CACHD1: variants seen among roughly 807,000 people sequenced by gnomAD.
The protein encoded by CACHD1 is VWFA and cache domain-containing protein 1.
A neutral mutation model predicts 138.7 loss-of-function variants in CACHD1; 71 were observed. The ratio of observed to expected loss-of-function variants is 0.51; its 90% CI spans 0.42 to 0.62. CACHD1 has a LOEUF of 0.62. Ranked by LOEUF, CACHD1 falls within the 20% of genes least tolerant of loss-of-function variation. The pLI is 0.00. For missense variants in CACHD1, 1,389 were observed against 1,625.3 expected (o/e 0.85, Z 2.50); for synonymous variants, 578 against 591.5 (o/e 0.98, Z 0.33).
At chr1:64,680,400 A>C (rs1015914714) in intron 24 of CACHD1, among the ~76,000 whole-genome samples, 5 of 152,074 alleles carry the variant, frequency 3.3e-5, no homozygotes, top group South Asian at 2.1e-4. Flanking sequence ...AGGCAGGAGA[A>C]TCGCTTGAAC....
intron 3 of CACHD1, among the ~76,000 whole-genome samples, chr1:64,599,842 T>C (rs1476180753): frequency 6.6e-6 from 1 of 152,134 alleles, no homozygotes; most frequent in Non-Finnish European, 1.5e-5. Flanking sequence ...TTCAGCTCTC[T>C]CAAGGGGTGA....
chr1:64,567,263 C>T (rs1038282415), intron 2 of CACHD1, among the ~76,000 whole-genome samples: 1 of 151,780 alleles, frequency 6.6e-6, no homozygotes, highest in Non-Finnish European at 1.5e-5. Context: ...TTTGTTCATG[C>T]ATTTGATATT....
intron 13 of CACHD1, among the ~76,000 whole-genome samples, chr1:64,661,124 A>AATAAAAAGG (rs1396716834): frequency 6.6e-6 from 1 of 152,152 alleles, no homozygotes; most frequent in East Asian, 1.9e-4. Context: ...ATTAAAATAC[A>AATAAAAAGG]ATAAAAAGGG....
At chr1:64,561,781 C>T (rs1388308089) in intron 2 of CACHD1, among the ~76,000 whole-genome samples, 8 of 143,420 alleles carry the variant, frequency 5.6e-5, no homozygotes, top group Non-Finnish European at 1.2e-4. Context: ...TTGGTTGAGC[C>T]AAGGAGGTTG....
rs375655464 is a variant in CACHD1 at position 64,599,670 on chromosome 1, T to C, written c.411-3136T>C. 1.2e-4 allele frequency among the ~76,000 whole-genome samples: 18 copies of C among 152,348 alleles called. 3 individuals carry two copies. The highest frequency in any genetic ancestry group is 4.6e-4 in the Admixed American group (7 of 15,306). ...TTTTGTTAATGAGTCACTGTCATTT[T>C]TATTGTTATAAAAATGTTTTTCTTT... is the stretch of plus-strand genomic sequence containing the variant. On this transcript the variant is annotated intron_variant, in intron 3 of 26. Coordinates refer to ENST00000651257, the MANE Select transcript of CACHD1 (RefSeq NM_020925.4).
At chr1:64,634,946 A>G (rs1293718190) in intron 7 of CACHD1, among the ~76,000 whole-genome samples, 1 of 145,478 alleles carries the variant, frequency 6.9e-6, no homozygotes, top group Admixed American at 7.2e-5. Context: ...CAGTAAGCCA[A>G]GATCATGCCA....
At chr1:64,642,398 C>G (rs1373896099) in intron 8 of CACHD1, among the ~76,000 whole-genome samples, 4 of 152,192 alleles carry the variant, frequency 2.6e-5, no homozygotes, top group Non-Finnish European at 5.9e-5. Flanking sequence ...CCACCTGAAG[C>G]CTCTTCTGCC....
intron 1 of CACHD1, among the ~76,000 whole-genome samples, chr1:64,475,770 G>A (rs556200516): frequency 2.6e-5 from 4 of 152,128 alleles, no homozygotes; most frequent in Admixed American, 1.3e-4. Context: ...GGATGGTCTC[G>A]ATTTCCTGAC....
intron 1 of CACHD1, among the ~76,000 whole-genome samples, chr1:64,481,894 G>A (rs1646213648): frequency 6.6e-6 from 1 of 152,092 alleles, no homozygotes; most frequent in African/African-American, 2.4e-5. Flanking sequence ...CCAGCTTACA[G>A]TAGTTTTATT....
intron 2 of CACHD1, among the ~76,000 whole-genome samples, chr1:64,571,126 C>G (rs1027860053): frequency 6.6e-6 from 1 of 152,140 alleles, no homozygotes; most frequent in Non-Finnish European, 1.5e-5. Flanking sequence ...GAAAGTGCTC[C>G]TGCCTCCTAA....
intron 9 of CACHD1, 70 bp from the exon 10 acceptor site, chr1:64,652,091 A>G: frequency 7.4e-7 from 1 of 1,351,794 alleles, no homozygotes; most frequent in Non-Finnish European, 1.0e-6. Flanking sequence ...GATTCACCGG[A>G]GCACAGTTCC....
intron 21 of CACHD1, 86 bp from the exon 22 acceptor site, chr1:64,676,809 C>G (rs1650007280): frequency 9.7e-7 from 1 of 1,027,534 alleles, no homozygotes; most frequent in Non-Finnish European, 1.5e-6. Context: ...AAACCCAAAT[C>G]TGTCTGACTG....
intron 8 of CACHD1, among the ~76,000 whole-genome samples, chr1:64,643,710 C>T (rs1194495482): frequency 2.6e-5 from 4 of 152,238 alleles, no homozygotes; most frequent in East Asian, 3.9e-4. Context: ...TGGTGGCGGG[C>T]ACCTGTAGTC....
At chr1:64,510,023 A>G (rs1646407369) in intron 1 of CACHD1, among the ~76,000 whole-genome samples, 1 of 152,230 alleles carries the variant, frequency 6.6e-6, no homozygotes, top group Non-Finnish European at 1.5e-5. Context: ...AGATATTACA[A>G]CATTCATATA....
At chr1:64,614,953 C>T (rs867347444) in intron 4 of CACHD1, among the ~76,000 whole-genome samples, 3 of 152,260 alleles carry the variant, frequency 2.0e-5, no homozygotes, top group Middle Eastern at 6.8e-3. Flanking sequence ...CTGCATTTCT[C>T]AAAAGCCTCT....
rs115853748 is a variant in CACHD1 at position 64,648,842 on chromosome 1, A to G, written c.1390+808A>G. Among the ~76,000 whole-genome samples the G allele has an allele frequency of 6.9e-3, 1,050 of 152,306 alleles. 7 individuals carry two copies. The highest frequency in any genetic ancestry group is 0.024 in the African/African-American group (1,001 of 41,540). ...CATTTTCCTCAAGGCAGTTGTGAAG[A>G]TTAAATGCAATAATAATAAAACATC... On this transcript the variant is annotated intron_variant, in intron 9 of 26. Coordinates refer to ENST00000651257, the MANE Select transcript of CACHD1 (RefSeq NM_020925.4).
intron 26 of CACHD1, among the ~76,000 whole-genome samples, chr1:64,687,295 C>T (rs1003954786): frequency 3.9e-5 from 6 of 152,162 alleles, no homozygotes; most frequent in Non-Finnish European, 7.3e-5. Context: ...TTGTTGAATA[C>T]GAAAATGTGT....
intron 1 of CACHD1, among the ~76,000 whole-genome samples, chr1:64,529,262 C>A (rs1482462748): frequency 2.0e-5 from 3 of 152,080 alleles, no homozygotes; most frequent in South Asian, 4.1e-4. Flanking sequence ...TTTGCAGTAA[C>A]CATAGAAAAA....
intron 16 of CACHD1, among the ~76,000 whole-genome samples, chr1:64,666,379 A>G (rs998867564): frequency 1.3e-5 from 2 of 152,150 alleles, no homozygotes; most frequent in Non-Finnish European, 2.9e-5. Flanking sequence ...CCTACCTCAC[A>G]TGGTTGTCAT....
Sources: gnomAD v4.1 joint callset for allele counts (sites outside exome capture counted in the v4.1 genomes callset) on GRCh38, gnomAD v4.1.1 for gene constraint, MANE v1.5 for transcripts, NCBI Gene and HGNC (gene_info 2026-07-23, HGNC 2026-07-21) for gene names.